Variants in CSMD1 observed in about 807,000 individuals in gnomAD.
CSMD1 encodes CUB and sushi domain-containing protein 1.
CSMD1 carries 213 observed loss-of-function variants against 417.5 expected under a neutral mutation model. The ratio of observed to expected loss-of-function variants is 0.51; its 90% confidence interval spans 0.46 to 0.57. CSMD1 has a LOEUF of 0.57. Ranked by LOEUF, CSMD1 falls within the 20% of genes least tolerant of loss-of-function variation. The pLI, the probability that CSMD1 is intolerant of heterozygous loss-of-function variation, is 0.00. For synonymous variants in CSMD1, 2,862 were observed against 1,736.8 expected, an observed-to-expected ratio of 1.65 and a Z score of -16.11; for missense variants, 6,923 against 4,529.7, an observed-to-expected ratio of 1.53 and a Z score of -15.17.
intron 3 of CSMD1, among the ~76,000 whole-genome samples, chr8:4,200,049 T>C (rs1799559738): frequency 6.6e-6 from 1 of 152,228 alleles, no homozygotes; most frequent in Admixed American, 6.5e-5. Flanking sequence ...AAATCCTGAA[T>C]GATTAGCTCT....
At chr8:4,483,149 C>G (rs1037353687) in intron 2 of CSMD1, among the ~76,000 whole-genome samples, 1 of 152,024 alleles carries the variant, frequency 6.6e-6, no homozygotes, top group African/African-American at 2.4e-5. Flanking sequence ...TCATGAGATC[C>G]GATGGTTTGA....
At chr8:3,014,067 A>G (rs1177898250) in intron 52 of CSMD1, among the ~76,000 whole-genome samples, 1 of 152,124 alleles carries the variant, frequency 6.6e-6, no homozygotes, top group African/African-American at 2.4e-5. Context: ...CTCTGAGAAA[A>G]ATTTTACATT....
chr8:3,066,337 G>C (rs1403901688), intron 49 of CSMD1, among the ~76,000 whole-genome samples: 1 of 152,162 alleles, frequency 6.6e-6, no homozygotes. Flanking sequence ...TCTATTTGAA[G>C]CTCAACATGG....
intron 11 of CSMD1, among the ~76,000 whole-genome samples, chr8:3,489,772 T>G (rs565486211): frequency 6.6e-6 from 1 of 152,218 alleles, no homozygotes; most frequent in Non-Finnish European, 1.5e-5. Flanking sequence ...CTATATAGTT[T>G]TAGGCTATTT....
chr8:3,926,042 CAAACACCAT>C lies in CSMD1; in HGVS notation c.818+71852_818+71860del, dbSNP rs1563218016. 4.7e-4 allele frequency among the ~76,000 whole-genome samples: 48 copies of C among 102,418 alleles called. 1 individual carries two copies. Among genetic ancestry groups the C allele is most frequent in the South Asian group, 8.5e-4 (3 of 3,546 alleles). 67.2% of individuals were successfully genotyped at this position (102,418 alleles called of 152,430 possible). On this transcript the variant is annotated intron_variant, in intron 5 of 69. Transcript: ENST00000635120. ...ACACACACACACACACACACACACA[CAAACACCAT>C]ATACACACACACACACACACACAAA...
intron 1 of CSMD1, among the ~76,000 whole-genome samples, chr8:4,818,126 C>A (rs533296108): frequency 9.7e-4 from 147 of 152,206 alleles, no homozygotes; most frequent in African/African-American, 3.3e-3. Flanking sequence ...GTCGGGAAGC[C>A]TACTCGTAAA....
chr8:3,765,216 T>C (rs1469285797), intron 5 of CSMD1, among the ~76,000 whole-genome samples: 1 of 152,186 alleles, frequency 6.6e-6, no homozygotes, highest in African/African-American at 2.4e-5. Context: ...TGGCGATCAC[T>C]CCCTCGACTG....
At chr8:3,339,326 T>C (rs1283508743) in intron 23 of CSMD1, among the ~76,000 whole-genome samples, 1 of 152,124 alleles carries the variant, frequency 6.6e-6, no homozygotes, top group African/African-American at 2.4e-5. Flanking sequence ...CAGAACACTT[T>C]AAAGATGTTC....
Position 4,216,548 on chromosome 8 carries a change from C to T in CSMD1, c.416-184449G>A, listed in dbSNP as rs115312274. Among the ~76,000 whole-genome samples, 994 of 152,250 alleles carry T rather than the reference C, an allele frequency of 6.5e-3. 10 individuals are homozygous for T. Among genetic ancestry groups the T allele is most frequent in the African/African-American group, 0.023 (943 of 41,552 alleles). On this transcript the variant is annotated intron_variant, in intron 3 of 69. Transcript: ENST00000635120. ...ACTAAGAATTCTCAAGATCAAAGAA[C>T]CCGGCCTGAGTCTGCTGCCACTGCC... is the stretch of plus-strand genomic sequence containing the variant.
At chr8:4,000,868 G>A (rs973578597) in intron 4 of CSMD1, among the ~76,000 whole-genome samples, 1 of 151,928 alleles carries the variant, frequency 6.6e-6, no homozygotes, top group African/African-American at 2.4e-5. Context: ...TACCTAAGAA[G>A]ATAAAATATC....
chr8:3,987,479 G>T (rs930859360), intron 5 of CSMD1, among the ~76,000 whole-genome samples: 3 of 152,188 alleles, frequency 2.0e-5, no homozygotes, highest in African/African-American at 7.2e-5. Flanking sequence ...CCAGCTAGAT[G>T]AGTATCTTTA....
intron 3 of CSMD1, among the ~76,000 whole-genome samples, chr8:4,339,508 A>G (rs886952937): frequency 3.7e-4 from 57 of 152,138 alleles, no homozygotes; most frequent in African/African-American, 1.3e-3. Flanking sequence ...GTTTAAATTT[A>G]TAAGACTTCA....
intron 25 of CSMD1, among the ~76,000 whole-genome samples, chr8:3,292,836 A>T (rs1803679605): frequency 6.6e-6 from 1 of 151,600 alleles, no homozygotes; most frequent in South Asian, 2.1e-4. Context: ...ATTTAAGGTT[A>T]ATATTGTTAT....
chr8:3,777,613 C>T (rs1165123038), intron 5 of CSMD1, among the ~76,000 whole-genome samples: 1 of 152,204 alleles, frequency 6.6e-6, no homozygotes, highest in African/African-American at 2.4e-5. Context: ...TGAGATGCCT[C>T]CCCCACCAGC....
In CSMD1 at chr8:3,256,201, C is replaced by T. The variant is rs958601084; in HGVS notation, c.4154-25970G>A. The stretch of plus-strand genomic sequence containing the variant: ...AAATTAGCTGGGCGTGGTGGTGGCA[C>T]CTGTAATCCCAACTACTCAGGGGGC... On this transcript the variant is annotated intron_variant, in intron 26 of 69. Transcript: ENST00000635120. Among the ~76,000 whole-genome samples, 18 of 151,434 alleles carry T rather than the reference C, an allele frequency of 1.2e-4. No individual in the cohort carries two copies. The Middle Eastern group carries it at 0.01, about 86-fold the overall frequency.
intron 3 of CSMD1, among the ~76,000 whole-genome samples, chr8:4,343,897 G>A (rs1473907660): frequency 3.3e-5 from 5 of 152,026 alleles, no homozygotes; most frequent in Non-Finnish European, 7.4e-5. Context: ...TAATTTTTAA[G>A]GCTTATTTAC....
chr8:3,401,826 C>T (rs962133523), intron 15 of CSMD1, among the ~76,000 whole-genome samples: 11 of 152,140 alleles, frequency 7.2e-5, no homozygotes, highest in African/African-American at 2.2e-4. Context: ...CAAGAAAAGA[C>T]ATTCCACCTG....
intron 10 of CSMD1, among the ~76,000 whole-genome samples, chr8:3,518,324 G>A (rs1277892258): frequency 6.6e-6 from 1 of 152,108 alleles, no homozygotes; most frequent in Non-Finnish European, 1.5e-5. Flanking sequence ...AAATTCCTCT[G>A]GAGCTTAAAT....
chr8:4,146,376 A>G (rs1804124105), intron 3 of CSMD1, among the ~76,000 whole-genome samples: 1 of 150,536 alleles, frequency 6.6e-6, no homozygotes, highest in Admixed American at 6.6e-5. Flanking sequence ...CGACTTGCAG[A>G]GCTGGCAATT....
Sources: allele counts gnomAD v4.1 joint callset (sites outside exome capture counted in the v4.1 genomes callset), GRCh38; gene constraint gnomAD v4.1.1; transcripts MANE v1.5; gene names NCBI Gene and HGNC (gene_info 2026-07-23, HGNC 2026-07-21).